ENTPD1: variants seen among roughly 807,000 people sequenced by gnomAD.
ENTPD1 encodes the protein ectonucleoside triphosphate diphosphohydrolase 1.
A neutral mutation model predicts 57.0 loss-of-function variants in ENTPD1; 33 were observed. The ratio of observed to expected loss-of-function variants is 0.58; its 90% CI spans 0.44 to 0.77. ENTPD1 has a LOEUF of 0.77. ENTPD1 is among the 30% of genes least tolerant of loss of function. The pLI, the probability that ENTPD1 is intolerant of heterozygous loss-of-function variation, is 0.00. For synonymous variants in ENTPD1, 202 were observed against 218.8 expected, an observed-to-expected ratio of 0.92 and a Z score of 0.68; for missense variants, 501 against 603.4, an observed-to-expected ratio of 0.83 and a Z score of 1.78.
At position 95,847,599 on chromosome 10, in the gene ENTPD1, C is replaced by G. The variant is rs1366654874; in HGVS notation, c.967C>G (p.Gln323Glu). The G allele has an allele frequency of 6.2e-6, 10 of 1,614,052 alleles. No individual in the cohort carries two copies. The highest frequency in any genetic ancestry group is 8.5e-6 in the Non-Finnish European group (10 of 1,180,042). ...QFEIQGIGNY[Q>E]QCHQSILELF... is the part of the protein sequence containing the mutation. Reference sequence around the variant, plus strand: ...TGAAATCCAGGGTATTGGAAACTATCAACAATGCCATCAAAGCATCCTGGA... The same window carrying G: ...TGAAATCCAGGGTATTGGAAACTATGAACAATGCCATCAAAGCATCCTGGA... The change falls in exon 7 of 10, where the codon CAA (glutamine) becomes GAA (glutamate). Residue 323 changes from glutamine to glutamate, a missense_variant. Coordinates refer to ENST00000371205, the MANE Select transcript of ENTPD1 (RefSeq NM_001776.6).
chr10:95,820,556 G>A (rs1566193756), intron 1 of ENTPD1, among the ~76,000 whole-genome samples: 1 of 152,206 alleles, frequency 6.6e-6, no homozygotes, highest in East Asian at 1.9e-4. Context: ...GGTTCTTGCA[G>A]TTTCTGTTCC....
At chr10:95,779,072 T>A (rs1387077699) in intron 1 of ENTPD1, among the ~76,000 whole-genome samples, 1 of 152,174 alleles carries the variant, frequency 6.6e-6, no homozygotes, top group African/African-American at 2.4e-5. Flanking sequence ...AAATCTCTCC[T>A]CACCACCTCC....
At chr10:95,733,582 G>C (rs1589654442) in intron 1 of ENTPD1, among the ~76,000 whole-genome samples, 1 of 152,120 alleles carries the variant, frequency 6.6e-6, no homozygotes, top group Admixed American at 6.5e-5. Context: ...AATTATAAAA[G>C]TTTTAATTTG....
chr10:95,845,739 T>G, intron 6 of ENTPD1, 143 bp downstream of exon 6: 1 of 1,396,544 alleles, frequency 7.2e-7, no homozygotes, highest in South Asian at 1.2e-5. Flanking sequence ...GATATTGAAC[T>G]ACATCTGGTT....
In ENTPD1 at chr10:95,866,630, T is replaced by A. The variant is rs966920532; in HGVS notation, c.*247T>A. 2.3e-5 allele frequency: 31 copies of A among 1,343,204 alleles called. No homozygotes were observed. The highest frequency in any genetic ancestry group is 3.1e-5 in the Admixed American group (1 of 32,084). 83.2% of individuals were successfully genotyped at this position (1,343,204 alleles called of 1,614,324 possible). A position where few individuals can be genotyped will look rare whatever the true frequency, so the allele number is the denominator to read the frequency against. On this transcript the variant is annotated 3_prime_UTR_variant, in exon 10 of 10. Coordinates refer to ENST00000371205, the MANE Select transcript of ENTPD1 (RefSeq NM_001776.6). ...AGCTACACCTTTCTCCTTTGTACTTTGTGCTTGTATAGGTTTTAAAGACCT... is the reference window on the plus strand; with the variant it reads ...AGCTACACCTTTCTCCTTTGTACTTAGTGCTTGTATAGGTTTTAAAGACCT...
At chr10:95,709,248 T>C (rs1166296065), upstream of ENTPD1, among the ~76,000 whole-genome samples, 1 of 152,230 alleles carries the variant, frequency 6.6e-6, no homozygotes, top group Non-Finnish European at 1.5e-5. Context: ...TTTATTTGTG[T>C]GTGTGTATAT....
chr10:95,740,631 A>C (rs1049306826), intron 1 of ENTPD1, among the ~76,000 whole-genome samples: 2 of 152,198 alleles, frequency 1.3e-5, no homozygotes, highest in Non-Finnish European at 2.9e-5. Context: ...GGCATCCAAG[A>C]TGGCATCTTC....
chr10:95,839,770 C>T lies in ENTPD1; in HGVS notation c.224C>T (p.Thr75Ile). The T allele has an allele frequency of 6.2e-7, 1 of 1,613,994 alleles. No homozygotes were observed. ...YKWPAEKENDTGVVHQVEECR... is the reference protein window; with the variant it reads ...YKWPAEKENDIGVVHQVEECR... ...TGGCCAGCAGAAAAGGAGAATGACA[C>T]AGGCGTGGTGCATCAAGTAGAAGAA... Residue 75 changes from threonine to isoleucine, a missense_variant, in exon 3 of 10, where the codon ACA becomes ATA. Coordinates refer to ENST00000371205, the MANE Select transcript of ENTPD1 (RefSeq NM_001776.6).
chr10:95,777,004 C>CT (rs916782166), intron 1 of ENTPD1, among the ~76,000 whole-genome samples: 10 of 152,298 alleles, frequency 6.6e-5, no homozygotes, highest in African/African-American at 2.4e-4. Context: ...GTTCTCTACA[C>CT]TGTTTATTCT....
chr10:95,718,930 C>T (rs1402566042), intron 1 of ENTPD1, among the ~76,000 whole-genome samples: 3 of 152,186 alleles, frequency 2.0e-5, no homozygotes, highest in Non-Finnish European at 4.4e-5. Flanking sequence ...AAATGTGGCT[C>T]AGTTAAGAGT....
chr10:95,722,347 G>A (rs1352270186), intron 1 of ENTPD1, among the ~76,000 whole-genome samples: 2 of 151,342 alleles, frequency 1.3e-5, no homozygotes, highest in East Asian at 3.9e-4. Flanking sequence ...ACAATGTGCA[G>A]GTTAGTTACA....
At chr10:95,809,066 A>G (rs1157397368) in intron 1 of ENTPD1, among the ~76,000 whole-genome samples, 1 of 152,218 alleles carries the variant, frequency 6.6e-6, no homozygotes, top group Non-Finnish European at 1.5e-5. Flanking sequence ...ACAGCATCCC[A>G]AGGCAGAAGA....
At chr10:95,741,751 CTTGAAAGATTCAAGGT>C (rs2098000615) in intron 1 of ENTPD1, among the ~76,000 whole-genome samples, 1 of 152,182 alleles carries the variant, frequency 6.6e-6, no homozygotes, top group African/African-American at 2.4e-5. Context: ...AGCTGGAAGA[CTTGAAAGATTCAAGGT>C]TTGAGCCAGA....
Position 95,872,584 on chromosome 10 carries a change from C to T in ENTPD1, c.*6201C>T. The T allele has an allele frequency of 1.0e-6, 1 of 985,448 alleles. No individual in the cohort carries two copies. The highest frequency in any genetic ancestry group is 1.2e-6 in the Non-Finnish European group (1 of 829,924). The allele number at this position is 985,448 out of a possible 1,614,324, so 61.0% of individuals were successfully genotyped here. ...CTTTAACTGAGCCTCCATTAGTGCA[C>T]TGAGACCATTCTGTTCAGTGTCTGG... On this transcript the variant is annotated 3_prime_UTR_variant, in exon 10 of 10. Transcript: ENST00000371205.
At chr10:95,840,845 G>A (rs1009846558) in intron 3 of ENTPD1, among the ~76,000 whole-genome samples, 17 of 152,052 alleles carry the variant, frequency 1.1e-4, no homozygotes, top group Non-Finnish European at 2.1e-4. Context: ...TTTTTAGTCA[G>A]ACTGATAGCC....
At chr10:95,813,025 T>C (rs1386804003) in intron 1 of ENTPD1, among the ~76,000 whole-genome samples, 1 of 152,284 alleles carries the variant, frequency 6.6e-6, no homozygotes, top group East Asian at 1.9e-4. Flanking sequence ...TGAATCCAAC[T>C]ATTTCATAAT....
At chr10:95,860,021 T>C (rs910831739) in intron 7 of ENTPD1, among the ~76,000 whole-genome samples, 4 of 152,206 alleles carry the variant, frequency 2.6e-5, no homozygotes, top group Non-Finnish European at 5.9e-5. Context: ...AAGCAGTACA[T>C]ATTCATTATA....
intron 5 of ENTPD1, 127 bp downstream of exon 5, chr10:95,844,762 T>C: frequency 3.4e-6 from 4 of 1,188,366 alleles, no homozygotes; most frequent in Non-Finnish European, 3.7e-6. Flanking sequence ...GATGGATGAC[T>C]GGATGAATGA....
intron 2 of ENTPD1, among the ~76,000 whole-genome samples, chr10:95,835,054 T>C (rs1215431882): frequency 1.3e-5 from 2 of 152,202 alleles, no homozygotes; most frequent in Non-Finnish European, 2.9e-5. Flanking sequence ...GTAGTGAACA[T>C]AGAACCTGAC....
Sources: gnomAD v4.1 joint callset for allele counts (sites outside exome capture counted in the v4.1 genomes callset) on GRCh38, gnomAD v4.1.1 for gene constraint, MANE v1.5 for transcripts, NCBI Gene and HGNC (gene_info 2026-07-23, HGNC 2026-07-21) for gene names.